MET: variants seen among roughly 807,000 people sequenced by gnomAD.
The protein encoded by MET is hepatocyte growth factor receptor.
Under a neutral mutation model 133.1 loss-of-function variants are expected in MET, and 48 were observed. That is an observed-to-expected ratio of 0.36 (90% CI 0.29 to 0.46). The LOEUF is 0.46. Among genes scored for constraint, MET ranks in the 20% least tolerant of loss-of-function variants. MET has a pLI of 1.00. For synonymous variants in MET, 628 were observed against 616.5 expected (o/e 1.02, Z -0.28); for missense variants, 1,442 against 1,695.9 (o/e 0.85, Z 2.63).
intron 3 of MET, among the ~76,000 whole-genome samples, chr7:116,733,246 T>C (rs1259266907): frequency 6.6e-6 from 1 of 152,198 alleles, no homozygotes; most frequent in African/African-American, 2.4e-5. Flanking sequence ...AATGGCATTC[T>C]ATACAATTGC....
At position 116,792,464 on chromosome 7, in the gene MET, C is replaced by T. The variant is rs752436091; in HGVS notation, c.3799-3191C>T. Reference sequence around the variant, plus strand: ...CCCCCCCTCAACCGACAGACACACACACACACACACACACACACACACACA... The same window carrying T: ...CCCCCCCTCAACCGACAGACACACATACACACACACACACACACACACACA... On this transcript the variant is annotated intron_variant, in intron 19 of 20. Transcript: ENST00000397752. Among the ~76,000 whole-genome samples, 32 of 64,784 alleles carry T rather than the reference C, an allele frequency of 4.9e-4. 1 individual carries two copies. The highest frequency in any genetic ancestry group is 4.2e-3 in the South Asian group (6 of 1,412). The allele number at this position is 64,784 out of a possible 152,430, so 42.5% of individuals were successfully genotyped here.
intron 2 of MET, among the ~76,000 whole-genome samples, chr7:116,729,236 T>C (rs1460084890): frequency 6.6e-6 from 1 of 152,234 alleles, no homozygotes; most frequent in African/African-American, 2.4e-5. Context: ...CTTGCTAATA[T>C]ATCAAAGTAA....
intron 2 of MET, among the ~76,000 whole-genome samples, chr7:116,700,691 T>C (rs1242530690): frequency 6.6e-6 from 1 of 152,180 alleles, no homozygotes; most frequent in Non-Finnish European, 1.5e-5. Context: ...TCTGCAACAT[T>C]TACAAGATGT....
At chr7:116,765,208 G>A (rs1040223731) in intron 11 of MET, among the ~76,000 whole-genome samples, 5 of 151,154 alleles carry the variant, frequency 3.3e-5, no homozygotes, top group Admixed American at 6.6e-5. Flanking sequence ...GCTGAGGGAC[G>A]GAGGTGACCT....
intron 2 of MET, among the ~76,000 whole-genome samples, chr7:116,703,962 T>A (rs1295936923): frequency 2.0e-5 from 3 of 152,132 alleles, no homozygotes; most frequent in African/African-American, 7.2e-5. Context: ...AAAGTTTTGC[T>A]CTATAGATAA....
At chr7:116,742,468 G>T (rs2116848093) in intron 5 of MET, among the ~76,000 whole-genome samples, 1 of 152,258 alleles carries the variant, frequency 6.6e-6, no homozygotes, top group Non-Finnish European at 1.5e-5. Flanking sequence ...GCTATTCCAT[G>T]AAATAGATAT....
chr7:116,733,712 A>G (rs996643070), intron 3 of MET, among the ~76,000 whole-genome samples: 1 of 152,224 alleles, frequency 6.6e-6, no homozygotes, highest in Non-Finnish European at 1.5e-5. Flanking sequence ...AAGTACTGGT[A>G]TCACTGATTT....
rs1794838240 is a variant in MET, at chr7:116,771,672, T to C, written c.2887+18T>C. ...AATTAAAGGTGCATTTTTGTTACTGTTCATTTTTAGAAGTTACCTTAAGAA... is the reference window on the plus strand; with the variant it reads ...AATTAAAGGTGCATTTTTGTTACTGCTCATTTTTAGAAGTTACCTTAAGAA... On this transcript the variant is annotated intron_variant, in intron 13 of 20. Coordinates refer to ENST00000397752, the MANE Select transcript of MET (RefSeq NM_000245.4). 6.2e-7 allele frequency: 1 copy of C among 1,613,396 alleles called. No individual in the cohort carries two copies. Among genetic ancestry groups the C allele is most frequent in the African/African-American group, 1.3e-5 (1 of 75,016 alleles).
At chr7:116,717,459 A>C (rs1390415667) in intron 2 of MET, among the ~76,000 whole-genome samples, 1 of 152,238 alleles carries the variant, frequency 6.6e-6, no homozygotes, top group East Asian at 1.9e-4. Flanking sequence ...AATTAAAGCA[A>C]TTAAGTTTTC....
chr7:116,729,130 A>G (rs533222301), intron 2 of MET, among the ~76,000 whole-genome samples: 2 of 152,254 alleles, frequency 1.3e-5, no homozygotes, highest in Admixed American at 6.5e-5. Context: ...ATCGGTTGCT[A>G]TCGAATTGCT....
chr7:116,771,157 A>G (rs535680807), intron 12 of MET, among the ~76,000 whole-genome samples: 2 of 152,186 alleles, frequency 1.3e-5, no homozygotes, highest in African/African-American at 2.4e-5. Context: ...CTGTTTAGTC[A>G]TACTTCTATG....
At position 116,795,968 on chromosome 7, in the gene MET, G is replaced by C. The variant is rs2023748; in HGVS notation, c.4017G>C (p.Ala1339=). 1.9e-5 allele frequency: 31 copies of C among 1,613,962 alleles called. No homozygotes were observed. Among genetic ancestry groups the C allele is most frequent in the Middle Eastern group, 1.6e-4 (1 of 6,062 alleles). ...CTGAACTGGTGTCCCGGATATCAGC[G>C]ATCTTCTCTACTTTCATTGGGGAGC... ...SFSELVSRIS[A]IFSTFIGEHY... The change falls in exon 21 of 21, where the codon GCG becomes GCC. Residue 1339 remains alanine (A), a synonymous_variant. Transcript: ENST00000397752.
At chr7:116,740,243 T>C in intron 4 of MET, 159 bp downstream of exon 4, 1 of 840,606 alleles carries the variant, frequency 1.2e-6, no homozygotes, top group Non-Finnish European at 2.0e-6. Flanking sequence ...TTCTGAAATC[T>C]AGTTAATTTG....
chr7:116,677,037 C>T (rs1429690128), intron 1 of MET, among the ~76,000 whole-genome samples: 1 of 149,240 alleles, frequency 6.7e-6, no homozygotes, highest in Non-Finnish European at 1.5e-5. Flanking sequence ...TGTTTTGCAT[C>T]CGCCTGGTCC....
intron 1 of MET, among the ~76,000 whole-genome samples, chr7:116,694,835 C>T (rs1219924034): frequency 3.3e-5 from 5 of 151,624 alleles, no homozygotes; most frequent in Non-Finnish European, 7.4e-5. Context: ...TACAGGCATG[C>T]GCCACCACAC....
At chr7:116,795,504 CT>C (rs1193625461) in intron 19 of MET, 150 bp from the exon 20 acceptor site, 22 of 942,632 alleles carry the variant, frequency 2.3e-5, no homozygotes, top group Non-Finnish European at 3.2e-5. Flanking sequence ...AAATGTATAG[CT>C]TAATAATTGC....
intron 19 of MET, among the ~76,000 whole-genome samples, chr7:116,787,899 A>G (rs1406160567): frequency 1.3e-5 from 2 of 152,214 alleles, no homozygotes; most frequent in Non-Finnish European, 2.9e-5. Flanking sequence ...TTTTCTTCAT[A>G]ATAGCCAAAA....
rs1392829448 is a variant in MET, at chr7:116,699,837, T to A, written c.753T>A (p.His251Gln). The A allele has an allele frequency of 6.2e-7, 1 of 1,614,122 alleles. No individual in the cohort carries two copies. The highest frequency in any genetic ancestry group is 1.1e-5 in the South Asian group (1 of 91,086). The change falls in exon 2 of 21, where the codon CAT (histidine) becomes CAA (glutamine). Residue 251 changes from histidine to glutamine, a missense_variant. Physicochemically the swap from His to Gln is conservative, Grantham distance 24. This residue lies in a region of MET where 762 missense variants were observed against 792.4 expected (regional missense o/e 0.96). Transcript: ENST00000397752. ...FRDSYPIKYV[H>Q]AFESNNFIYF... is the part of the protein sequence containing the mutation. ...ATTCTTACCCCATTAAGTATGTCCATGCCTTTGAAAGCAACAATTTTATTT... is the reference window on the plus strand; with the variant it reads ...ATTCTTACCCCATTAAGTATGTCCAAGCCTTTGAAAGCAACAATTTTATTT...
rs140736731 is a variant in MET, at chr7:116,713,791, A to C, written c.1200+13507A>C. On this transcript the variant is annotated intron_variant, in intron 2 of 20. Coordinates refer to ENST00000397752, the MANE Select transcript of MET (RefSeq NM_000245.4). ...CGATATATTGGGACACAATTGAAGGACTCTTGTTTCATCCATCGTTCATCT... is the reference window on the plus strand; with the variant it reads ...CGATATATTGGGACACAATTGAAGGCCTCTTGTTTCATCCATCGTTCATCT... 2.6e-5 allele frequency among the ~76,000 whole-genome samples: 4 copies of C among 151,916 alleles called. No individual in the cohort carries two copies. The East Asian group carries it at 7.7e-4, about 29-fold the overall frequency.
Sources: gnomAD v4.1 joint callset for allele counts (sites outside exome capture counted in the v4.1 genomes callset) on GRCh38, gnomAD v4.1.1 for gene constraint, gnomAD v4.1.1 regional missense constraint, MANE v1.5 for transcripts, NCBI Gene and HGNC (gene_info 2026-07-23, HGNC 2026-07-21) for gene names.